Variants in BBX observed in about 807,000 individuals in gnomAD.
BBX encodes the protein HMG box transcription factor BBX.
A neutral mutation model predicts 100.2 loss-of-function variants in BBX; 30 were observed. The ratio of observed to expected loss-of-function variants is 0.30; its 90% CI spans 0.22 to 0.41. The LOEUF (loss-of-function observed/expected upper bound fraction) is 0.41. Among genes scored for constraint, BBX ranks in the 10% least tolerant of loss-of-function variants. BBX has a pLI of 1.00. For missense variants in BBX, 1,023 were observed against 1,129.8 expected (o/e 0.91, Z 1.35); for synonymous variants, 376 against 388.1 (o/e 0.97, Z 0.37).
intron 2 of BBX, among the ~76,000 whole-genome samples, chr3:107,618,798 A>G (rs1426686061): frequency 1.3e-5 from 2 of 152,046 alleles, no homozygotes; most frequent in Non-Finnish European, 1.5e-5. Flanking sequence ...TTGTTGAAGA[A>G]TGTGTTTTAT....
chr3:107,659,715 A>G (rs979073722), intron 3 of BBX: 1 of 1,282,592 alleles, frequency 7.8e-7, no homozygotes, highest in Non-Finnish European at 1.0e-6. Flanking sequence ...GATTATCCTC[A>G]CATGTTTGGG....
chr3:107,605,389 G>C (rs1190363903), intron 2 of BBX, among the ~76,000 whole-genome samples: 1 of 150,768 alleles, frequency 6.6e-6, no homozygotes, highest in East Asian at 1.9e-4. Context: ...TTTTTTTTGG[G>C]GGGGGGATTT....
chr3:107,805,617 G>C lies in BBX; in HGVS notation c.*160G>C. 1 of 1,384,692 alleles carries C rather than the reference G, an allele frequency of 7.2e-7. No individual in the cohort carries two copies. The highest frequency in any genetic ancestry group is 9.8e-7 in the Non-Finnish European group (1 of 1,022,528). 85.8% of individuals were successfully genotyped at this position (1,384,692 alleles called of 1,614,324 possible). On this transcript the variant is annotated 3_prime_UTR_variant, in exon 18 of 18. Coordinates refer to ENST00000325805, the MANE Select transcript of BBX (RefSeq NM_001142568.3). ...CACTTGAAGCAGAAGTTAGCATCCT[G>C]GGCCAGTTTGTTCTCTCAGAACCCA...
intron 8 of BBX, among the ~76,000 whole-genome samples, chr3:107,747,526 T>C (rs1024980481): frequency 2.6e-5 from 4 of 152,170 alleles, no homozygotes; most frequent in Non-Finnish European, 4.4e-5. Context: ...CCCATATCCA[T>C]ATGCTTCACC....
At chr3:107,567,829 C>G (rs565300784) in intron 2 of BBX, among the ~76,000 whole-genome samples, 16 of 152,018 alleles carry the variant, frequency 1.1e-4, no homozygotes, top group African/African-American at 3.6e-4. Flanking sequence ...TTTATTTGCT[C>G]TATTGGTTTG....
chr3:107,582,942 A>G (rs747971927), intron 2 of BBX, among the ~76,000 whole-genome samples: 6 of 151,902 alleles, frequency 3.9e-5, no homozygotes, highest in Non-Finnish European at 7.4e-5. Flanking sequence ...GCTTTGCTAT[A>G]AAAGTTCTAC....
intron 7 of BBX, among the ~76,000 whole-genome samples, chr3:107,737,892 T>TTTG (rs1305077674): frequency 1.9e-4 from 25 of 132,950 alleles, no homozygotes; most frequent in Admixed American, 3.7e-4. Context: ...CAGTTTTTTT[T>TTTG]TTTTTTTTTT....
chr3:107,595,409 G>A (rs1179091133), intron 2 of BBX, among the ~76,000 whole-genome samples: 4 of 152,148 alleles, frequency 2.6e-5, no homozygotes, highest in Non-Finnish European at 5.9e-5. Flanking sequence ...GAAAGTGAAA[G>A]GTTTATTTCA....
chr3:107,581,923 AC>A (rs2052307193), intron 2 of BBX, among the ~76,000 whole-genome samples: 3 of 152,162 alleles, frequency 2.0e-5, no homozygotes, highest in African/African-American at 7.2e-5. Flanking sequence ...CAATTTGTAC[AC>A]AGTATTATTA....
chr3:107,742,927 G>A (rs1259705850), intron 7 of BBX, among the ~76,000 whole-genome samples: 1 of 152,132 alleles, frequency 6.6e-6, no homozygotes, highest in Non-Finnish European at 1.5e-5. Context: ...TTAAAAGAAA[G>A]TTGAATTTTC....
At chr3:107,592,389 A>G (rs2053394814) in intron 2 of BBX, among the ~76,000 whole-genome samples, 1 of 139,776 alleles carries the variant, frequency 7.2e-6, no homozygotes. Flanking sequence ...AAAAAGGTGT[A>G]TTAAGATGAC....
At chr3:107,745,287 A>G (rs1401450764) in intron 8 of BBX, among the ~76,000 whole-genome samples, 2 of 152,056 alleles carry the variant, frequency 1.3e-5, no homozygotes, top group African/African-American at 4.8e-5. Context: ...AGAATATCTT[A>G]ATTTACTCTG....
rs1241965341 is a variant in BBX at position 107,789,830 on chromosome 3, C to T, written c.2247C>T (p.Val749=). The change falls in exon 14 of 18, where the codon GTC becomes GTT. Residue 749 remains valine, a synonymous_variant. Coordinates refer to ENST00000325805, the MANE Select transcript of BBX (RefSeq NM_001142568.3). ...SQKKNLFHKI[V]SKYKHKKEKP... ...AAAAGAACTTATTCCACAAAATTGTCAGCAAATATAAGCACAAAAAGGAGA... is the reference window on the plus strand; with the variant it reads ...AAAAGAACTTATTCCACAAAATTGTTAGCAAATATAAGCACAAAAAGGAGA... 1.3e-6 allele frequency: 2 copies of T among 1,550,014 alleles called. No homozygotes were observed. The highest frequency in any genetic ancestry group is 2.0e-5 in the Admixed American group (1 of 50,948).
At chr3:107,636,341 G>A (rs571206308) in intron 2 of BBX, among the ~76,000 whole-genome samples, 13 of 152,282 alleles carry the variant, frequency 8.5e-5, no homozygotes, top group Admixed American at 4.6e-4. Flanking sequence ...AAGGAATGGA[G>A]GTGGGGGAGA....
chr3:107,601,587 C>T (rs2054070036), intron 2 of BBX, among the ~76,000 whole-genome samples: 2 of 152,178 alleles, frequency 1.3e-5, no homozygotes, highest in Admixed American at 1.3e-4. Context: ...GAGCAAGGCC[C>T]TAACTCTCTT....
intron 17 of BBX, among the ~76,000 whole-genome samples, chr3:107,804,174 A>T (rs562848844): frequency 6.6e-6 from 1 of 152,312 alleles, no homozygotes; most frequent in East Asian, 1.9e-4. Context: ...CTATTAAGTG[A>T]TCATTTGATT....
intron 2 of BBX, among the ~76,000 whole-genome samples, chr3:107,557,668 G>A (rs1195127576): frequency 1.3e-5 from 2 of 152,186 alleles, no homozygotes; most frequent in African/African-American, 2.4e-5. Context: ...AACATTGCCT[G>A]CAGCAGCTCT....
intron 9 of BBX, among the ~76,000 whole-genome samples, chr3:107,751,497 G>C (rs2065074871): frequency 6.6e-6 from 1 of 152,032 alleles, no homozygotes; most frequent in Non-Finnish European, 1.5e-5. Context: ...GTAAACCCTG[G>C]TGATTTCTTT....
At chr3:107,562,831 G>A (rs544790217) in intron 2 of BBX, among the ~76,000 whole-genome samples, 77 of 152,296 alleles carry the variant, frequency 5.1e-4, no homozygotes, top group African/African-American at 1.9e-3. Flanking sequence ...CTTCAGACTT[G>A]TACAAAATAT....
Sources: gnomAD v4.1 joint callset for allele counts (sites outside exome capture counted in the v4.1 genomes callset) on GRCh38, gnomAD v4.1.1 for gene constraint, MANE v1.5 for transcripts, NCBI Gene and HGNC (gene_info 2026-07-23, HGNC 2026-07-21) for gene names.